The following PLCL2 variants were observed in gnomAD, a reference collection of about 807,000 sequenced individuals.
The protein encoded by PLCL2 is inactive phospholipase C-like protein 2.
In PLCL2, 4 loss-of-function variants were observed where a neutral mutation model predicts 79.6. The ratio of observed to expected loss-of-function variants is 0.05; its 90% confidence interval spans 0.02 to 0.11. The LOEUF (loss-of-function observed/expected upper bound fraction) is 0.11, where lower values mean the gene tolerates loss of function less well. Ranked by LOEUF, PLCL2 falls within the 10% of genes least tolerant of loss-of-function variation. The pLI, the probability that PLCL2 is intolerant of heterozygous loss-of-function variation, is 1.00. For synonymous variants in PLCL2, 484 were observed against 457.7 expected (o/e 1.06, Z -0.73); for missense variants, 895 against 1,291.0 (o/e 0.69, Z 4.70).
chr3:17,085,486 T>C (rs1218790307), intron 5 of PLCL2, among the ~76,000 whole-genome samples: 6 of 151,280 alleles, frequency 4.0e-5, no homozygotes, highest in Non-Finnish European at 7.4e-5. Context: ...GTGTCGCTCT[T>C]GTTGCCCAGG....
At chr3:16,968,746 T>A (rs924229389) in intron 1 of PLCL2, among the ~76,000 whole-genome samples, 2 of 152,128 alleles carry the variant, frequency 1.3e-5, no homozygotes, top group Admixed American at 6.6e-5. Flanking sequence ...CCCTTCCAGT[T>A]TGGATGCCTT....
At chr3:17,060,556 G>GGCCGC (rs2064940378) in intron 4 of PLCL2, among the ~76,000 whole-genome samples, 1 of 152,188 alleles carries the variant, frequency 6.6e-6, no homozygotes, top group African/African-American at 2.4e-5. Flanking sequence ...CCAAACTTCA[G>GGCCGC]ACCTCCGGAG....
intron 3 of PLCL2, 95 bp downstream of exon 3, chr3:17,015,006 T>G: frequency 2.2e-6 from 2 of 928,810 alleles, no homozygotes; most frequent in Non-Finnish European, 3.4e-6. Context: ...TGAAGTGCAC[T>G]TTCCTATTTC....
At chr3:16,998,280 C>G (rs1456111929) in intron 1 of PLCL2, among the ~76,000 whole-genome samples, 1 of 152,020 alleles carries the variant, frequency 6.6e-6, no homozygotes, top group Non-Finnish European at 1.5e-5. Flanking sequence ...AGAAGTTACT[C>G]TTAGAATTGA....
intron 5 of PLCL2, among the ~76,000 whole-genome samples, chr3:17,086,121 C>T (rs970333808): frequency 1.3e-5 from 2 of 152,062 alleles, no homozygotes; most frequent in Middle Eastern, 3.4e-3. Context: ...AACAAAAGAC[C>T]CAGAATAGCC....
intron 1 of PLCL2, among the ~76,000 whole-genome samples, chr3:16,938,472 G>C (rs895820890): frequency 6.6e-6 from 1 of 152,024 alleles, no homozygotes; most frequent in Non-Finnish European, 1.5e-5. Context: ...GGAGTTGACT[G>C]GATGGTAGAA....
chr3:16,898,238 G>A (rs1413390111), intron 1 of PLCL2, among the ~76,000 whole-genome samples: 1 of 152,012 alleles, frequency 6.6e-6, no homozygotes, highest in Admixed American at 6.6e-5. Context: ...TTTTATTTAC[G>A]TATTCTAAAT....
chr3:16,997,990 A>T (rs1337550788), intron 1 of PLCL2, among the ~76,000 whole-genome samples: 1 of 152,196 alleles, frequency 6.6e-6, no homozygotes, highest in Non-Finnish European at 1.5e-5. Flanking sequence ...TAAAATAATT[A>T]TGGAATTATT....
chr3:17,058,204 G>A (rs986516071), intron 4 of PLCL2, among the ~76,000 whole-genome samples: 2 of 152,148 alleles, frequency 1.3e-5, no homozygotes, highest in African/African-American at 2.4e-5. Context: ...TGTATGCAGG[G>A]CAATACAGCC....
intron 4 of PLCL2, among the ~76,000 whole-genome samples, chr3:17,044,561 C>T (rs939796283): frequency 7.9e-5 from 12 of 152,228 alleles, no homozygotes; most frequent in African/African-American, 2.4e-4. Flanking sequence ...ATAATAACCT[C>T]CTAAAGCACT....
intron 5 of PLCL2, among the ~76,000 whole-genome samples, chr3:17,074,512 C>T (rs947898055): frequency 1.5e-4 from 23 of 152,206 alleles, no homozygotes; most frequent in Non-Finnish European, 1.3e-4. Flanking sequence ...CTGCATTATT[C>T]CCTAACAAGA....
intron 4 of PLCL2, among the ~76,000 whole-genome samples, chr3:17,057,173 G>A (rs1004909457): frequency 4.6e-5 from 7 of 151,986 alleles, no homozygotes; most frequent in African/African-American, 7.3e-5. Context: ...CATGTTCCTC[G>A]GGCAAAGGAC....
At chr3:16,928,368 CA>C (rs1226301849) in intron 1 of PLCL2, among the ~76,000 whole-genome samples, 1 of 152,214 alleles carries the variant, frequency 6.6e-6, no homozygotes, top group African/African-American at 2.4e-5. Flanking sequence ...AGAATGCCTA[CA>C]GAGGCCGATT....
At chr3:16,938,978 G>A (rs1447021279) in intron 1 of PLCL2, among the ~76,000 whole-genome samples, 1 of 152,240 alleles carries the variant, frequency 6.6e-6, no homozygotes, top group East Asian at 1.9e-4. Context: ...ACAGCTAGCT[G>A]TGTAGTTTCC....
chr3:16,998,075 G>GC (rs1316615853), intron 1 of PLCL2, among the ~76,000 whole-genome samples: 19 of 152,222 alleles, frequency 1.2e-4, no homozygotes, highest in Middle Eastern at 3.4e-3. Context: ...CAATAGCTTT[G>GC]CCCCTGCATG....
At chr3:16,913,918 A>G (rs1326242405) in intron 1 of PLCL2, among the ~76,000 whole-genome samples, 1 of 152,246 alleles carries the variant, frequency 6.6e-6, no homozygotes, top group Non-Finnish European at 1.5e-5. Flanking sequence ...GGACTGTAGC[A>G]TTAATGTAAC....
At chr3:17,042,754 A>G (rs1402636298) in intron 3 of PLCL2, 120 bp from the exon 4 acceptor site, 4 of 682,472 alleles carry the variant, frequency 5.9e-6, no homozygotes, top group African/African-American at 3.6e-5. Flanking sequence ...GTGGAAAGTC[A>G]GATAAAAAAG....
At chr3:16,994,207 T>A (rs552307341) in intron 1 of PLCL2, among the ~76,000 whole-genome samples, 1 of 152,326 alleles carries the variant, frequency 6.6e-6, no homozygotes, top group South Asian at 2.1e-4. Flanking sequence ...TTTAGAAAGG[T>A]ATACAGTGAT....
chr3:16,948,262 A>C (rs1458940088), intron 1 of PLCL2, among the ~76,000 whole-genome samples: 1 of 152,194 alleles, frequency 6.6e-6, no homozygotes, highest in Non-Finnish European at 1.5e-5. Flanking sequence ...AGCCAGACAC[A>C]AAAGGCCGTA....
Sources: allele counts gnomAD v4.1 joint callset (sites outside exome capture counted in the v4.1 genomes callset), GRCh38; gene constraint gnomAD v4.1.1; transcripts MANE v1.5; gene names NCBI Gene and HGNC (gene_info 2026-07-23, HGNC 2026-07-21).